Variants in CIMIP1 observed in about 807,000 individuals in gnomAD.
CIMIP1 encodes the protein ciliary microtubule inner protein 1, also known as low in lung cancer 1.
the CIMIP1 span, chr20:58,155,403 TTC>T: frequency 7.6e-7 from 1 of 1,318,588 alleles, no homozygotes; most frequent in Non-Finnish European, 1.1e-6. Flanking sequence ...TCTCTGGGGA[TTC>T]TGTTTCAGTA....
chr20:58,151,496 C>T, the CIMIP1 span, among the ~76,000 whole-genome samples: 1 of 152,068 alleles, frequency 6.6e-6, no homozygotes, highest in Non-Finnish European at 1.5e-5. Flanking sequence ...TCACTGCAAC[C>T]TCTGCCTCCT....
chr20:58,159,015 C>T, the CIMIP1 span, among the ~76,000 whole-genome samples: 2 of 152,130 alleles, frequency 1.3e-5, no homozygotes, highest in Non-Finnish European at 2.9e-5. Flanking sequence ...AATGAGCCTC[C>T]GTGGGTGGAT....
At chr20:58,155,466 A>T in the CIMIP1 span, 50 of 1,611,540 alleles carry the variant, frequency 3.1e-5, no homozygotes, top group African/African-American at 5.1e-4. Context: ...ATTCTGTTTC[A>T]GTTGATCAAG....
the CIMIP1 span, among the ~76,000 whole-genome samples, chr20:58,152,328 T>A: frequency 2.6e-5 from 4 of 152,052 alleles, no homozygotes; most frequent in African/African-American, 9.7e-5. Flanking sequence ...CCCTCCTCTT[T>A]GAATAGGGCC....
the CIMIP1 span, chr20:58,155,342 T>C: frequency 1.9e-5 from 13 of 697,242 alleles, no homozygotes; most frequent in Non-Finnish European, 2.9e-5. Flanking sequence ...ATGCGCCTTC[T>C]AGGGGAAGCA....
the CIMIP1 span, among the ~76,000 whole-genome samples, chr20:58,155,016 G>A: frequency 6.6e-6 from 1 of 152,208 alleles, no homozygotes; most frequent in East Asian, 1.9e-4. Context: ...AAGTTGCCCA[G>A]GCTGGTCTTG....
At chr20:58,159,990 T>G in the CIMIP1 span, among the ~76,000 whole-genome samples, 6 of 152,224 alleles carry the variant, frequency 3.9e-5, no homozygotes, top group Non-Finnish European at 8.8e-5. Flanking sequence ...TTTATCTCAG[T>G]TCTTCTGCTA....
the CIMIP1 span, chr20:58,160,567 T>G: frequency 1.2e-5 from 16 of 1,380,450 alleles, no homozygotes; most frequent in South Asian, 2.2e-4. Context: ...TGGCTTTTCT[T>G]TCTGTCTTTT....
chr20:58,159,790 A>C, the CIMIP1 span, among the ~76,000 whole-genome samples: 2 of 152,174 alleles, frequency 1.3e-5, no homozygotes, highest in Non-Finnish European at 2.9e-5. Flanking sequence ...CCCCTCTGTC[A>C]TTTGTTGATG....
chr20:58,154,959 T>C, the CIMIP1 span, among the ~76,000 whole-genome samples: 1 of 152,162 alleles, frequency 6.6e-6, no homozygotes, highest in Non-Finnish European at 1.5e-5. Context: ...GCACATGCCA[T>C]CATGCCCAGC....
the CIMIP1 span, chr20:58,155,485 A>T: frequency 6.2e-7 from 1 of 1,613,978 alleles, no homozygotes; most frequent in Non-Finnish European, 8.5e-7. Context: ...AGTGTGAAGA[A>T]GATCTCCCCA....
At chr20:58,155,700 G>A in the CIMIP1 span, 1 of 718,804 alleles carries the variant, frequency 1.4e-6, no homozygotes, top group South Asian at 1.9e-5. Context: ...GCAGTGCCAG[G>A]TGCAGAGTCC....
At chr20:58,159,302 G>A in the CIMIP1 span, among the ~76,000 whole-genome samples, 1 of 148,402 alleles carries the variant, frequency 6.7e-6, no homozygotes, top group Non-Finnish European at 1.5e-5. Flanking sequence ...GATCAACTGA[G>A]GTCAGGAGTT....
the CIMIP1 span, chr20:58,155,557 G>A: frequency 6.2e-7 from 1 of 1,613,796 alleles, no homozygotes; most frequent in Non-Finnish European, 8.5e-7. Flanking sequence ...CCCCAGTGGA[G>A]AAGTACATCA....
the CIMIP1 span, among the ~76,000 whole-genome samples, chr20:58,155,244 C>T: frequency 8.5e-5 from 13 of 152,360 alleles, no homozygotes; most frequent in South Asian, 1.7e-3. Context: ...AGCAGGCCTG[C>T]GTTGAGGTCC....
chr20:58,153,567 C>T, the CIMIP1 span: 15 of 1,614,112 alleles, frequency 9.3e-6, no homozygotes, highest in South Asian at 3.3e-5. Context: ...AAGGCTGAAT[C>T]GGAAGCACGG....
At chr20:58,155,541 C>T in the CIMIP1 span, 2 of 1,614,128 alleles carry the variant, frequency 1.2e-6, no homozygotes, top group Non-Finnish European at 1.7e-6. Flanking sequence ...CGCATCCGGC[C>T]GGTGACCCCA....
At chr20:58,152,834 T>G in the CIMIP1 span, among the ~76,000 whole-genome samples, 1 of 152,140 alleles carries the variant, frequency 6.6e-6, no homozygotes, top group African/African-American at 2.4e-5. Flanking sequence ...GTGGCTTATG[T>G]TACATCTTGA....
At chr20:58,159,381 T>G in the CIMIP1 span, among the ~76,000 whole-genome samples, 1 of 151,942 alleles carries the variant, frequency 6.6e-6, no homozygotes, top group Non-Finnish European at 1.5e-5. Context: ...CTGGGCATGA[T>G]GGCACTTACC....
Sources: allele counts gnomAD v4.1 joint callset (sites outside exome capture counted in the v4.1 genomes callset), GRCh38; gene constraint gnomAD v4.1.1; transcripts MANE v1.5; gene names NCBI Gene and HGNC (gene_info 2026-07-23, HGNC 2026-07-21).